Variants in WWOX observed in about 807,000 individuals in gnomAD.
WWOX encodes the protein WW domain-containing oxidoreductase.
In WWOX, 69 loss-of-function variants were observed where a neutral mutation model predicts 46.2. The observed-to-expected ratio is 1.49, with a 90% CI of 1.23 to 1.82. The LOEUF (loss-of-function observed/expected upper bound fraction) is 1.82, where lower values mean the gene tolerates loss of function less well. WWOX is among the 40% of genes most tolerant of loss of function. WWOX has a pLI of 0.00. For synonymous variants in WWOX, 359 were observed against 202.6 expected, an observed-to-expected ratio of 1.77 and a Z score of -6.56; for missense variants, 919 against 542.6, an observed-to-expected ratio of 1.69 and a Z score of -6.89.
chr16:78,197,267 A>T (rs1000683994), intron 5 of WWOX, among the ~76,000 whole-genome samples: 1 of 152,186 alleles, frequency 6.6e-6, no homozygotes, highest in African/African-American at 2.4e-5. Context: ...CTCCAAAGCC[A>T]CCTGACTCTT....
chr16:79,117,605 G>C (rs1399382932), intron 8 of WWOX, among the ~76,000 whole-genome samples: 1 of 152,244 alleles, frequency 6.6e-6, no homozygotes. Flanking sequence ...CAAAGTCCTA[G>C]ACAGCATCTT....
At chr16:79,130,843 G>A (rs1232483050) in intron 8 of WWOX, among the ~76,000 whole-genome samples, 1 of 152,164 alleles carries the variant, frequency 6.6e-6, no homozygotes. Flanking sequence ...TCTCCGCACA[G>A]TGCGGAGCTA....
intron 8 of WWOX, among the ~76,000 whole-genome samples, chr16:79,061,669 A>G (rs2048359787): frequency 6.6e-6 from 1 of 152,220 alleles, no homozygotes; most frequent in African/African-American, 2.4e-5. Flanking sequence ...GGAGGAAAGA[A>G]AAAGACAAGT....
intron 8 of WWOX, among the ~76,000 whole-genome samples, chr16:78,769,993 A>G (rs1009351546): frequency 6.6e-6 from 1 of 152,054 alleles, no homozygotes; most frequent in African/African-American, 2.4e-5. Flanking sequence ...GCTGTGAGCT[A>G]TGATCTCACC....
At chr16:78,364,776 C>T (rs936654766) in intron 5 of WWOX, among the ~76,000 whole-genome samples, 1 of 152,164 alleles carries the variant, frequency 6.6e-6, no homozygotes, top group South Asian at 2.1e-4. Context: ...GTCTGCACTT[C>T]CAGGGAACAG....
intron 8 of WWOX, among the ~76,000 whole-genome samples, chr16:79,014,600 G>A (rs1461743646): frequency 2.0e-5 from 3 of 152,170 alleles, no homozygotes; most frequent in African/African-American, 7.2e-5. Flanking sequence ...CCTAGCCACT[G>A]CTTTTTGAGC....
At chr16:78,488,859 G>T (rs996855119) in intron 8 of WWOX, among the ~76,000 whole-genome samples, 1 of 152,176 alleles carries the variant, frequency 6.6e-6, no homozygotes, top group East Asian at 1.9e-4. Flanking sequence ...CCCAATGCCT[G>T]TTTCTCAGAG....
At chr16:79,094,448 C>T (rs1485161522) in intron 8 of WWOX, among the ~76,000 whole-genome samples, 2 of 151,998 alleles carry the variant, frequency 1.3e-5, no homozygotes, top group Non-Finnish European at 1.5e-5. Context: ...GACTGGGTTT[C>T]ACCATGTTGG....
At chr16:78,765,650 G>A (rs1046013860) in intron 8 of WWOX, among the ~76,000 whole-genome samples, 1 of 152,096 alleles carries the variant, frequency 6.6e-6, no homozygotes, top group African/African-American at 2.4e-5. Flanking sequence ...CTGCACTGCA[G>A]CTTGGGAAAC....
Position 78,670,349 on chromosome 16 carries a change from A to G in WWOX, c.1056+237597A>G, listed in dbSNP as rs150701403. Among the ~76,000 whole-genome samples the G allele has an allele frequency of 1.1e-4, 16 of 152,290 alleles. 2 individuals carry two copies. The highest frequency in any genetic ancestry group is 3.4e-4 in the African/African-American group (14 of 41,572). ...AAGGAAACACCTTTCCAAGCTCCCC[A>G]GTGACCCTGGTTCATCCCGGAAATA... On this transcript the variant is annotated intron_variant, in intron 8 of 8. Coordinates refer to ENST00000566780, the MANE Select transcript of WWOX (RefSeq NM_016373.4).
At chr16:78,338,372 C>T (rs1453726907) in intron 5 of WWOX, among the ~76,000 whole-genome samples, 2 of 120,884 alleles carry the variant, frequency 1.7e-5, no homozygotes, top group African/African-American at 5.6e-5. Context: ...TTGTTGTTTT[C>T]CCCAGTTGTA....
intron 8 of WWOX, among the ~76,000 whole-genome samples, chr16:78,508,714 A>T (rs1290949553): frequency 2.0e-5 from 3 of 152,180 alleles, no homozygotes; most frequent in African/African-American, 7.2e-5. Context: ...ATGGAGAAAG[A>T]GTTGGGAAGC....
chr16:79,201,477 T>G (rs933500186), intron 8 of WWOX, among the ~76,000 whole-genome samples: 1 of 152,142 alleles, frequency 6.6e-6, no homozygotes, highest in Non-Finnish European at 1.5e-5. Context: ...CTTTGCAGCA[T>G]TCTTCAAGGG....
intron 5 of WWOX, among the ~76,000 whole-genome samples, chr16:78,336,897 G>C (rs955361436): frequency 6.6e-6 from 1 of 152,114 alleles, no homozygotes; most frequent in African/African-American, 2.4e-5. Context: ...TCCTGCCTCA[G>C]CCTCCTGAGT....
At chr16:78,864,040 A>G (rs2043949542) in intron 8 of WWOX, among the ~76,000 whole-genome samples, 2 of 152,180 alleles carry the variant, frequency 1.3e-5, no homozygotes, top group African/African-American at 4.8e-5. Flanking sequence ...ACTATTGCAA[A>G]TAAAGCTGCT....
chr16:78,328,606 G>A (rs746171068), intron 5 of WWOX, among the ~76,000 whole-genome samples: 64 of 152,120 alleles, frequency 4.2e-4, no homozygotes, highest in Non-Finnish European at 8.7e-4. Context: ...AAATAAGATC[G>A]AATGTGGAAA....
At chr16:78,706,512 C>T (rs1170083444) in intron 8 of WWOX, among the ~76,000 whole-genome samples, 1 of 152,122 alleles carries the variant, frequency 6.6e-6, no homozygotes, top group African/African-American at 2.4e-5. Flanking sequence ...TTTTCATTTC[C>T]CTTTATATTC....
chr16:79,115,850 T>C (rs1459332369), intron 8 of WWOX, among the ~76,000 whole-genome samples: 2 of 152,162 alleles, frequency 1.3e-5, no homozygotes, highest in African/African-American at 4.8e-5. Flanking sequence ...CCAATTCGGA[T>C]GTGTTAGAAT....
intron 8 of WWOX, among the ~76,000 whole-genome samples, chr16:78,945,673 C>A (rs2045935123): frequency 6.6e-6 from 1 of 151,588 alleles, no homozygotes; most frequent in South Asian, 2.1e-4. Flanking sequence ...ATCTTTTTTT[C>A]TTTGACTTTC....
Sources: gnomAD v4.1 joint callset for allele counts (sites outside exome capture counted in the v4.1 genomes callset) on GRCh38, gnomAD v4.1.1 for gene constraint, MANE v1.5 for transcripts, NCBI Gene and HGNC (gene_info 2026-07-23, HGNC 2026-07-21) for gene names.